The following CHIC1 variants were observed in gnomAD, a reference collection of about 807,000 sequenced individuals.
The protein encoded by CHIC1 is cysteine-rich hydrophobic domain-containing protein 1.
CHIC1 carries 7 observed loss-of-function variants against 18.5 expected under a neutral mutation model. The observed-to-expected ratio is 0.38, with a 90% CI of 0.22 to 0.71. The LOEUF (loss-of-function observed/expected upper bound fraction) is 0.71, where lower values mean the gene tolerates loss of function less well. CHIC1 is among the 30% of genes least tolerant of loss of function. The pLI, the probability that CHIC1 is intolerant of heterozygous loss-of-function variation, is 0.49. For missense variants in CHIC1, 159 were observed against 176.9 expected (o/e 0.90, Z 0.57); for synonymous variants, 77 against 73.5 (o/e 1.05, Z -0.25).
At chrX:73,618,455 C>T (rs947849007) in intron 3 of CHIC1, among the ~76,000 whole-genome samples, 10 of 111,196 alleles carry the variant, frequency 9.0e-5, no homozygotes, top group Non-Finnish European at 1.1e-4. Context: ...GCTGTGGCTG[C>T]CGTAGGGGCT....
chrX:73,590,338 GA>G (rs1009846370), intron 3 of CHIC1, among the ~76,000 whole-genome samples: 2 of 108,392 alleles, frequency 1.8e-5, no homozygotes, highest in Non-Finnish European at 3.9e-5. Context: ...TAGGTTTACA[GA>G]AAAAAAAATG....
Position 73,658,248 on chromosome X carries a change from G to GTTTTTTTT in CHIC1, c.508-21054_508-21047dup, listed in dbSNP as rs869309622. On this transcript the variant is annotated intron_variant, in intron 3 of 5. Transcript: ENST00000373502. ...ATTCAGCTGTGAATCCTGGTCCTAG[G>GTTTTTTTT]TTTTTTTTTTTTTTTTTTTTTTTTT... 6.6e-3 allele frequency among the ~76,000 whole-genome samples: 110 copies of GTTTTTTTT among 16,718 alleles called. 15 individuals are homozygous for GTTTTTTTT. Among genetic ancestry groups the GTTTTTTTT allele is most frequent in the African/African-American group, 8.4e-3 (36 of 4,306 alleles). 14.5% of individuals were successfully genotyped at this position (16,718 alleles called of 115,157 possible). A position where few individuals can be genotyped will look rare whatever the true frequency, so the allele number is the denominator to read the frequency against.
At chrX:73,614,693 CT>C (rs1390082384) in intron 3 of CHIC1, among the ~76,000 whole-genome samples, 1 of 109,723 alleles carries the variant, frequency 9.1e-6, no homozygotes, top group African/African-American at 3.3e-5. Context: ...GTAATAAATT[CT>C]TTATTTCTAG....
At chrX:73,635,560 G>C (rs1026658078) in intron 3 of CHIC1, among the ~76,000 whole-genome samples, 4 of 110,987 alleles carry the variant, frequency 3.6e-5, no homozygotes, top group Non-Finnish European at 7.6e-5. Flanking sequence ...TTCTATTTAG[G>C]TTTTCTGTTT....
intron 3 of CHIC1, among the ~76,000 whole-genome samples, chrX:73,590,947 G>C (rs1192268961): frequency 2.7e-5 from 3 of 111,261 alleles, no homozygotes; most frequent in Non-Finnish European, 3.8e-5. Context: ...GGACAGTTTT[G>C]AACTCATTTG....
chrX:73,651,767 T>C (rs1397832944), intron 3 of CHIC1, among the ~76,000 whole-genome samples: 1 of 111,696 alleles, frequency 9.0e-6, no homozygotes, highest in African/African-American at 3.3e-5. Context: ...AAACATTCCA[T>C]GCTCATGGAT....
intron 3 of CHIC1, among the ~76,000 whole-genome samples, chrX:73,649,084 A>G (rs769038493): frequency 1.8e-5 from 2 of 112,292 alleles, no homozygotes; most frequent in Admixed American, 9.4e-5. Context: ...CCAGAATTTC[A>G]TATCCAGACA....
intron 2 of CHIC1, among the ~76,000 whole-genome samples, chrX:73,582,438 C>A (rs773408748): frequency 2.8e-5 from 3 of 109,090 alleles, no homozygotes; most frequent in Non-Finnish European, 5.7e-5. Flanking sequence ...AAACTTGGTA[C>A]CTTGTTTTTA....
chrX:73,625,735 TA>T (rs1285130522), intron 3 of CHIC1, among the ~76,000 whole-genome samples: 1 of 111,046 alleles, frequency 9.0e-6, no homozygotes, highest in East Asian at 2.9e-4. Context: ...TCTAACCCCC[TA>T]AATCTTAGGA....
chrX:73,577,351 A>AG (rs2057504669), intron 1 of CHIC1, 56 bp from the exon 2 acceptor site: 1 of 925,146 alleles, frequency 1.1e-6, no homozygotes, highest in Admixed American at 2.6e-5. Context: ...TTTAAAAAAA[A>AG]GGGAAGATTT....
chrX:73,613,843 C>T (rs1449299308), intron 3 of CHIC1, among the ~76,000 whole-genome samples: 3 of 108,365 alleles, frequency 2.8e-5, no homozygotes, highest in Admixed American at 1.0e-4. Flanking sequence ...TTCCTTCCTT[C>T]CCTCCTTCCT....
intron 3 of CHIC1, among the ~76,000 whole-genome samples, chrX:73,645,575 A>T (rs774469290): frequency 8.9e-6 from 1 of 112,042 alleles, no homozygotes; most frequent in African/African-American, 3.2e-5. Flanking sequence ...AACACTTGTT[A>T]TCTTTTGTCT....
intron 3 of CHIC1, among the ~76,000 whole-genome samples, chrX:73,605,664 A>C (rs1173535153): frequency 9.2e-6 from 1 of 108,587 alleles, no homozygotes; most frequent in Non-Finnish European, 1.9e-5. Context: ...TGCTTCCTTC[A>C]GGAGCTCTTG....
intron 3 of CHIC1, among the ~76,000 whole-genome samples, chrX:73,606,311 G>A (rs1374304588): frequency 2.8e-5 from 3 of 105,994 alleles, no homozygotes; most frequent in African/African-American, 1.1e-4. Context: ...CGAAGTTCTC[G>A]TGGTGTGTTT....
chrX:73,654,906 T>C (rs951871992), intron 3 of CHIC1, among the ~76,000 whole-genome samples: 11 of 111,759 alleles, frequency 9.8e-5, no homozygotes, highest in Non-Finnish European at 1.9e-4. Context: ...TGGCTTTTTC[T>C]TTTATTTTAA....
intron 3 of CHIC1, among the ~76,000 whole-genome samples, chrX:73,607,886 C>T (rs1013533342): frequency 2.8e-5 from 3 of 108,516 alleles, no homozygotes; most frequent in Non-Finnish European, 1.9e-5. Context: ...TCACCTGCCT[C>T]CTGCACTGAT....
At chrX:73,584,628 T>G in intron 3 of CHIC1, 56 bp downstream of exon 3, 2 of 880,764 alleles carry the variant, frequency 2.3e-6, no homozygotes, top group Non-Finnish European at 3.1e-6. Flanking sequence ...ATGGAAAACT[T>G]ACTATGTGCT....
intron 1 of CHIC1, among the ~76,000 whole-genome samples, chrX:73,568,908 T>A (rs1228036659): frequency 8.9e-6 from 1 of 111,735 alleles, no homozygotes; most frequent in Non-Finnish European, 1.9e-5. Context: ...TCTGTAACAG[T>A]TGTCTGAGAA....
intron 3 of CHIC1, among the ~76,000 whole-genome samples, chrX:73,605,749 T>C (rs2057679927): frequency 9.2e-6 from 1 of 108,930 alleles, no homozygotes; most frequent in Admixed American, 9.6e-5. Flanking sequence ...CCTTCACTTA[T>C]GATGCTTAGT....
Sources: gnomAD v4.1 joint callset for allele counts (sites outside exome capture counted in the v4.1 genomes callset) on GRCh38, gnomAD v4.1.1 for gene constraint, MANE v1.5 for transcripts, NCBI Gene and HGNC (gene_info 2026-07-23, HGNC 2026-07-21) for gene names.